Variants in ATP6V1G1 observed in about 807,000 individuals in gnomAD.
The protein encoded by ATP6V1G1 is ATPase H+ transporting V1 subunit G1.
Under a neutral mutation model 14.2 loss-of-function variants are expected in ATP6V1G1, and 14 were observed. That is an observed-to-expected ratio of 0.99 (90% CI 0.65 to 1.55). The LOEUF (loss-of-function observed/expected upper bound fraction) is 1.55, where lower values mean the gene tolerates loss of function less well. ATP6V1G1 is among the 40% of genes most tolerant of loss of function. The pLI, the probability that ATP6V1G1 is intolerant of heterozygous loss-of-function variation, is 0.00. For missense variants in ATP6V1G1, 137 were observed against 146.4 expected (o/e 0.94, Z 0.33); for synonymous variants, 65 against 53.3 (o/e 1.22, Z -0.96).
chr9:114,597,853 A>G lies in ATP6V1G1; in HGVS notation c.*110A>G. The G allele has an allele frequency of 3.0e-6, 3 of 1,009,488 alleles. No homozygotes were observed. The highest frequency in any genetic ancestry group is 3.9e-6 in the Non-Finnish European group (3 of 772,858). The allele number at this position is 1,009,488 out of a possible 1,614,324, so 62.5% of individuals were successfully genotyped here. A position where few individuals can be genotyped will look rare whatever the true frequency, so the allele number is the denominator to read the frequency against. On this transcript the variant is annotated 3_prime_UTR_variant, in exon 3 of 3. Coordinates refer to ENST00000374050, the MANE Select transcript of ATP6V1G1 (RefSeq NM_004888.4). Reference sequence around the variant, plus strand: ...TGATATGGCATTAAATTATTTCCATATATTATATAATAGGTCCTTCCACTT... The same window carrying G: ...TGATATGGCATTAAATTATTTCCATGTATTATATAATAGGTCCTTCCACTT...
At chr9:114,594,379 CTT>C (rs770844786) in intron 2 of ATP6V1G1, among the ~76,000 whole-genome samples, 21 of 140,648 alleles carry the variant, frequency 1.5e-4, no homozygotes, top group Middle Eastern at 3.9e-3. Context: ...CCCCCCGCCC[CTT>C]TTTTTTTTTT....
At chr9:114,591,819 T>A (rs1845185008) in intron 1 of ATP6V1G1, among the ~76,000 whole-genome samples, 1 of 152,088 alleles carries the variant, frequency 6.6e-6, no homozygotes, top group Non-Finnish European at 1.5e-5. Context: ...TTTTTTTTTT[T>A]ATTGGTGAGC....
At chr9:114,596,445 C>T (rs964473426) in intron 2 of ATP6V1G1, among the ~76,000 whole-genome samples, 2 of 151,506 alleles carry the variant, frequency 1.3e-5, no homozygotes, top group African/African-American at 4.8e-5. Flanking sequence ...TCCTCTCTCT[C>T]AGACCTGCAG....
chr9:114,597,814 T>G lies in ATP6V1G1; in HGVS notation c.*71T>G. 3.6e-5 allele frequency: 47 copies of G among 1,311,738 alleles called. No individual in the cohort carries two copies. The highest frequency in any genetic ancestry group is 3.9e-5 in the Non-Finnish European group (39 of 1,004,054). 81.3% of individuals were successfully genotyped at this position (1,311,738 alleles called of 1,614,324 possible). A position where few individuals can be genotyped will look rare whatever the true frequency, so the allele number is the denominator to read the frequency against. ...ACGAATATGAAGCTTAGCACAGCTC[T>G]AGTTACATTCTTATGATATGGCATT... On this transcript the variant is annotated 3_prime_UTR_variant, in exon 3 of 3. Transcript: ENST00000374050.
In ATP6V1G1 at chr9:114,589,028, A is replaced by G. The variant is rs965758064; in HGVS notation, c.82+1108A>G. Among the ~76,000 whole-genome samples the G allele has an allele frequency of 5.3e-5, 8 of 152,268 alleles. 1 individual carries two copies. ...ATGTCTTTCACCTGCAGGTTTTTGC[A>G]CACGCTGTTTCTTCTGACGTGAGAA... On this transcript the variant is annotated intron_variant, in intron 1 of 2. Transcript: ENST00000374050.
intron 1 of ATP6V1G1, 33 bp from the exon 2 acceptor site, chr9:114,592,519 A>G (rs1845192718): frequency 7.8e-6 from 12 of 1,536,916 alleles, no homozygotes; most frequent in Non-Finnish European, 1.1e-5. Flanking sequence ...ACTTTTAACC[A>G]CTTCCTGATA....
At position 114,588,013 on chromosome 9, in the gene ATP6V1G1, G is replaced by T. The variant is rs1312865397; in HGVS notation, c.82+93G>T. On this transcript the variant is annotated intron_variant, in intron 1 of 2. Coordinates refer to ENST00000374050, the MANE Select transcript of ATP6V1G1 (RefSeq NM_004888.4). Reference sequence around the variant, plus strand: ...GGGTAGATTAGGCCCGAAAAACTGCGGGGTGCGGGCGTGCGTATAGTCGCG... The same window carrying T: ...GGGTAGATTAGGCCCGAAAAACTGCTGGGTGCGGGCGTGCGTATAGTCGCG... 8 of 1,350,806 alleles carry T rather than the reference G, an allele frequency of 5.9e-6. No homozygotes were observed. In the Admixed American group the frequency reaches 1.7e-4, roughly 28 times the overall value. The allele number at this position is 1,350,806 out of a possible 1,614,324, so 83.7% of individuals were successfully genotyped here. A position where few individuals can be genotyped will look rare whatever the true frequency, so the allele number is the denominator to read the frequency against.
At chr9:114,596,625 TC>T (rs1845241252) in intron 2 of ATP6V1G1, among the ~76,000 whole-genome samples, 1 of 152,180 alleles carries the variant, frequency 6.6e-6, no homozygotes, top group Non-Finnish European at 1.5e-5. Context: ...AATTGTATCT[TC>T]CTTGTGTTTG....
At position 114,597,627 on chromosome 9, in the gene ATP6V1G1, A is replaced by T; in HGVS notation, c.241A>T (p.Met81Leu). The stretch of plus-strand genomic sequence containing the variant: ...AGTGGAGAAGGAGACCCAGGAGAAG[A>T]TGACCATCCTCCAGACATACTTCCG... Reference protein sequence around the residue: ...TEVEKETQEKMTILQTYFRQN... With the variant: ...TEVEKETQEKLTILQTYFRQN... Residue 81 changes from methionine to leucine, a missense_variant, in exon 3 of 3, where the codon ATG (methionine) becomes TTG (leucine). Physicochemically the swap from Met to Leu is conservative, Grantham distance 15 (BLOSUM62 2). Coordinates refer to ENST00000374050, the MANE Select transcript of ATP6V1G1 (RefSeq NM_004888.4). 2.5e-6 allele frequency: 4 copies of T among 1,585,478 alleles called. No individual in the cohort carries two copies. The East Asian group carries it at 9.3e-5, about 37-fold the overall frequency.
At chr9:114,596,719 G>A (rs903481333) in intron 2 of ATP6V1G1, among the ~76,000 whole-genome samples, 1 of 151,994 alleles carries the variant, frequency 6.6e-6, no homozygotes, top group South Asian at 2.1e-4. Flanking sequence ...TCAGTCTCTC[G>A]AATAGCTGAG....
Position 114,592,296 on chromosome 9 carries a change from AT to A in ATP6V1G1, c.83-249del, listed in dbSNP as rs556916858. Among the ~76,000 whole-genome samples, 20 of 152,106 alleles carry A rather than the reference AT, an allele frequency of 1.3e-4. No individual in the cohort carries two copies. The South Asian group carries it at 3.9e-3, about 30-fold the overall frequency. On this transcript the variant is annotated intron_variant, in intron 1 of 2. Transcript: ENST00000374050. The stretch of plus-strand genomic sequence containing the variant: ...AGAGAATATTCTGACACATTCTACA[AT>A]TTTTTTCCATCTTTTTAATGGGCTG...
chr9:114,592,520 C>T, intron 1 of ATP6V1G1, 32 bp from the exon 2 acceptor site: 1 of 1,541,362 alleles, frequency 6.5e-7, no homozygotes, highest in Non-Finnish European at 8.7e-7. Context: ...CTTTTAACCA[C>T]TTCCTGATAT....
At chr9:114,590,716 C>G (rs567062366) in intron 1 of ATP6V1G1, among the ~76,000 whole-genome samples, 10 of 151,672 alleles carry the variant, frequency 6.6e-5, no homozygotes, top group Non-Finnish European at 1.5e-4. Flanking sequence ...ATAAAATGAT[C>G]CCATCCAGTT....
chr9:114,590,324 A>G (rs1845171102), intron 1 of ATP6V1G1, among the ~76,000 whole-genome samples: 2 of 147,126 alleles, frequency 1.4e-5, no homozygotes, highest in African/African-American at 5.1e-5. Context: ...CAGTGGCACC[A>G]TCTTGGCTCA....
chr9:114,597,281 C>T (rs1252176557), intron 2 of ATP6V1G1, among the ~76,000 whole-genome samples: 5 of 152,096 alleles, frequency 3.3e-5, no homozygotes, highest in African/African-American at 9.7e-5. Flanking sequence ...TGAGCCACCG[C>T]GCCCGGCCTA....
intron 2 of ATP6V1G1, among the ~76,000 whole-genome samples, chr9:114,596,958 A>G (rs1441419743): frequency 7.2e-6 from 1 of 138,794 alleles, no homozygotes; most frequent in Non-Finnish European, 1.6e-5. Context: ...GTTGATTCCT[A>G]TCTTTGGTTA....
rs760493446 is a variant in ATP6V1G1, at chr9:114,597,591, T to C, written c.205T>C (p.Cys69Arg). 2 of 1,523,290 alleles carry C rather than the reference T, an allele frequency of 1.3e-6. No homozygotes were observed. Among genetic ancestry groups the C allele is most frequent in the Non-Finnish European group, 1.8e-6 (2 of 1,137,060 alleles). The allele number at this position is 1,523,290 out of a possible 1,614,324, so 94.4% of individuals were successfully genotyped here. A position where few individuals can be genotyped will look rare whatever the true frequency, so the allele number is the denominator to read the frequency against. Reference protein sequence around the residue: ...EAAALGSRGSCSTEVEKETQE... With the variant: ...EAAALGSRGSRSTEVEKETQE... ...CCAGGCATTGGGATCCCGTGGCAGTTGCAGCACTGAAGTGGAGAAGGAGAC... is the reference window on the plus strand; with the variant it reads ...CCAGGCATTGGGATCCCGTGGCAGTCGCAGCACTGAAGTGGAGAAGGAGAC... The change falls in exon 3 of 3, where the codon TGC (cysteine) becomes CGC (arginine). Residue 69 changes from cysteine (C) to arginine (R), a missense_variant. Coordinates refer to ENST00000374050, the MANE Select transcript of ATP6V1G1 (RefSeq NM_004888.4).
At chr9:114,589,384 C>A (rs1191651187) in intron 1 of ATP6V1G1, among the ~76,000 whole-genome samples, 1 of 152,142 alleles carries the variant, frequency 6.6e-6, no homozygotes, top group Non-Finnish European at 1.5e-5. Context: ...TTTATCCATA[C>A]CCTGGGAAGC....
In ATP6V1G1 at chr9:114,587,788, G is replaced by A. The variant is rs756619026; in HGVS notation, c.-51G>A. ...GCGGCTGTGTCAGCTGACCCAAGGG[G>A]CCTTCGAGGTGCCTTAGGCCGCTTG... On this transcript the variant is annotated 5_prime_UTR_variant, in exon 1 of 3. Transcript: ENST00000374050. 2.6e-6 allele frequency: 4 copies of A among 1,540,638 alleles called. No individual in the cohort carries two copies. The East Asian group carries it at 7.3e-5, about 28-fold the overall frequency.
Sources: allele counts gnomAD v4.1 joint callset (sites outside exome capture counted in the v4.1 genomes callset), GRCh38; gene constraint gnomAD v4.1.1; transcripts MANE v1.5; gene names NCBI Gene and HGNC (gene_info 2026-07-23, HGNC 2026-07-21).